PES1: variants seen among roughly 807,000 people sequenced by gnomAD.
PES1 encodes the protein pescadillo homolog.
In PES1, 31 loss-of-function variants were observed where a neutral mutation model predicts 77.1. That is an observed-to-expected ratio of 0.40 (90% CI 0.30 to 0.54). The LOEUF is 0.54. Among genes scored for constraint, PES1 ranks in the 20% least tolerant of loss-of-function variants. The pLI is 0.45. For missense variants in PES1, 658 were observed against 771.7 expected (o/e 0.85, Z 1.75); for synonymous variants, 282 against 303.0 (o/e 0.93, Z 0.72).
chr22:30,581,149 A>G, intron 8 of PES1, 48 bp from the exon 9 acceptor site: 1 of 1,510,776 alleles, frequency 6.6e-7, no homozygotes. Context: ...TCATGCGGGC[A>G]TGTGGCCAGG....
intron 3 of PES1, 107 bp from the exon 4 acceptor site, chr22:30,587,502 A>G: frequency 1.2e-6 from 1 of 805,502 alleles, no homozygotes; most frequent in Admixed American, 2.3e-5. Context: ...TGCCTCCTGA[A>G]GCTGGCCACG....
intron 2 of PES1, among the ~76,000 whole-genome samples, chr22:30,596,980 C>T (rs1477420860): frequency 1.3e-5 from 2 of 152,218 alleles, no homozygotes; most frequent in Non-Finnish European, 2.9e-5. Flanking sequence ...CCCCGCTGGC[C>T]ACGGGCAGTG....
At chr22:30,591,488 A>T (rs904248038) in intron 1 of PES1, among the ~76,000 whole-genome samples, 2 of 152,142 alleles carry the variant, frequency 1.3e-5, no homozygotes, top group Admixed American at 6.5e-5. Flanking sequence ...AGTAACGGTG[A>T]GCTCTACGTA....
chr22:30,577,097 G>T lies in PES1; in HGVS notation c.1716C>A (p.His572Gln). The T allele has an allele frequency of 6.2e-7, 1 of 1,614,158 alleles. No homozygotes were observed. The highest frequency in any genetic ancestry group is 8.5e-7 in the Non-Finnish European group (1 of 1,180,018). Residue 572 changes from histidine (H) to glutamine (Q), a missense_variant, in exon 15 of 15, where the codon CAC becomes CAA. By Grantham distance (24) the His-to-Gln change is conservative. Transcript: ENST00000354694. ...TCTTCTCAGACCTCACCGCCTCATC[G>T]TGGGCTTTCCGCTTCTCCGCCAGCT... ...ANKLAEKRKA[H>Q]DEAVRSEKKA...
intron 2 of PES1, among the ~76,000 whole-genome samples, chr22:30,600,338 G>T (rs192250392): frequency 6.6e-6 from 1 of 152,100 alleles, no homozygotes; most frequent in East Asian, 1.9e-4. Context: ...GACTTCAGGG[G>T]GTAGGTTTGC....
chr22:30,584,831 G>A (rs1372748283), intron 4 of PES1, 114 bp from the exon 5 acceptor site: 2 of 1,047,316 alleles, frequency 1.9e-6, no homozygotes, highest in Non-Finnish European at 2.8e-6. Flanking sequence ...CCTCACCACT[G>A]CCACCTCCTG....
chr22:30,577,096 C>T lies in PES1; in HGVS notation c.1717G>A (p.Asp573Asn), dbSNP rs750124332. ...NKLAEKRKAH[D>N]EAVRSEKKAK... ...TTCTTCTCAGACCTCACCGCCTCAT[C>T]GTGGGCTTTCCGCTTCTCCGCCAGC... is the stretch of plus-strand genomic sequence containing the variant. Residue 573 changes from aspartate to asparagine, a missense_variant, in exon 15 of 15, where the codon GAT (aspartate) becomes AAT (asparagine). By Grantham distance (23) the Asp-to-Asn change is conservative (BLOSUM62 1). Coordinates refer to ENST00000354694, the MANE Select transcript of PES1 (RefSeq NM_014303.4). 75 of 1,613,996 alleles carry T rather than the reference C, an allele frequency of 4.6e-5. No individual in the cohort carries two copies. Among genetic ancestry groups the T allele is most frequent in the Non-Finnish European group, 5.8e-5 (69 of 1,180,032 alleles).
chr22:30,581,694 A>G lies in PES1; in HGVS notation c.631-50T>C, dbSNP rs367909200. On this transcript the variant is annotated intron_variant, in intron 6 of 14. Transcript: ENST00000354694. ...GCAGTGTGGGTGCAGGGATGGGGGC[A>G]AAGGAGGGACAGACAACCCACAGAG... The G allele has an allele frequency of 2.7e-4, 345 of 1,291,340 alleles. 1 individual carries two copies. The African/African-American group carries it at 4.5e-3, about 17-fold the overall frequency. 80.0% of individuals were successfully genotyped at this position (1,291,340 alleles called of 1,614,324 possible).
chr22:30,597,944 C>T lies in PES1; in HGVS notation c.-660-5546G>A, dbSNP rs990158206. On this transcript the variant is annotated intron_variant, in intron 2 of 16. Transcript: ENST00000402281. ...TGTCGCCCAGGCTGGAGTGCAGTGG[C>T]GGCATCTCGGCTCACTGCAAGCTCC... 5.4e-5 allele frequency among the ~76,000 whole-genome samples: 7 copies of T among 130,032 alleles called. 1 individual carries two copies. Among genetic ancestry groups the T allele is most frequent in the South Asian group, 5.0e-4 (2 of 3,968 alleles). 85.3% of individuals were successfully genotyped at this position (130,032 alleles called of 152,430 possible). A position where few individuals can be genotyped will look rare whatever the true frequency, so the allele number is the denominator to read the frequency against.
chr22:30,600,610 A>G (rs1264833735), intron 2 of PES1, among the ~76,000 whole-genome samples: 4 of 152,032 alleles, frequency 2.6e-5, no homozygotes, highest in African/African-American at 9.7e-5. Flanking sequence ...AGGTCAGGAG[A>G]TGGAGACCAT....
chr22:30,593,690 C>T (rs2087216900), upstream of PES1, among the ~76,000 whole-genome samples: 1 of 152,104 alleles, frequency 6.6e-6, no homozygotes, highest in African/African-American at 2.4e-5. Context: ...TTGTTTTGCT[C>T]ACATTAATGT....
Position 30,577,540 on chromosome 22 carries a change from G to C in PES1, c.1684-411C>G, listed in dbSNP as rs1415343001. Among the ~76,000 whole-genome samples, 3 of 152,142 alleles carry C rather than the reference G, an allele frequency of 2.0e-5. No individual in the cohort carries two copies. In the East Asian group the frequency reaches 5.8e-4, roughly 29 times the overall value. ...TAAAGGGACAGGGTCTTTCTCTGTT[G>C]CTCAGCCTGGAGCACAGTGGCACAA... On this transcript the variant is annotated intron_variant, in intron 14 of 14. Coordinates refer to ENST00000354694, the MANE Select transcript of PES1 (RefSeq NM_014303.4).
intron 1 of PES1, among the ~76,000 whole-genome samples, chr22:30,606,289 G>C (rs962205539): frequency 1.3e-5 from 2 of 152,092 alleles, no homozygotes; most frequent in Admixed American, 6.5e-5. Context: ...GGAGTGCAGT[G>C]GTGTAATCTT....
intron 2 of PES1, among the ~76,000 whole-genome samples, chr22:30,597,931 T>C (rs2146491519): frequency 7.2e-6 from 1 of 138,076 alleles, no homozygotes; most frequent in East Asian, 2.0e-4. Flanking sequence ...TCGCCCAGGC[T>C]GGAGTGCAGT....
At chr22:30,606,800 G>A (rs371365260) in intron 1 of PES1, 4 of 986,530 alleles carry the variant, frequency 4.1e-6, no homozygotes, top group Non-Finnish European at 2.4e-6. Flanking sequence ...CTCCAGCAAT[G>A]CTGCTCACGT....
At chr22:30,584,824 C>T in intron 4 of PES1, 107 bp from the exon 5 acceptor site, 3 of 1,086,836 alleles carry the variant, frequency 2.8e-6, no homozygotes, top group Non-Finnish European at 4.0e-6. Flanking sequence ...AGCCAGGCCT[C>T]ACCACTGCCA....
rs775236739 is a variant in PES1 at position 30,579,869 on chromosome 22, C to T, written c.1236G>A (p.Glu412=). 2 of 1,614,148 alleles carry T rather than the reference C, an allele frequency of 1.2e-6. No individual in the cohort carries two copies. Among genetic ancestry groups the T allele is most frequent in the South Asian group, 2.2e-5 (2 of 91,086 alleles). The change falls in exon 12 of 15, where the codon GAG becomes GAA. Residue 412 remains glutamate, a synonymous_variant. Transcript: ENST00000354694. The part of the protein sequence containing the change: ...VNARLLLPVA[E]YFSGVQLPPH... The stretch of plus-strand genomic sequence containing the variant: ...GGGGCAGCTGCACCCCAGAGAAGTA[C>T]TCTGCCACGGGGAGAAGGAGCCTGG...
intron 4 of PES1, among the ~76,000 whole-genome samples, chr22:30,585,832 C>G (rs1028448504): frequency 6.6e-6 from 1 of 152,126 alleles, no homozygotes; most frequent in African/African-American, 2.4e-5. Context: ...TAGCATCACT[C>G]ACTGCTGCGA....
chr22:30,599,771 A>G (rs2087325409), intron 2 of PES1, among the ~76,000 whole-genome samples: 1 of 152,130 alleles, frequency 6.6e-6, no homozygotes, highest in African/African-American at 2.4e-5. Context: ...ATGGTGGTAC[A>G]TGCCTGTAAT....
Sources: allele counts gnomAD v4.1 joint callset (sites outside exome capture counted in the v4.1 genomes callset), GRCh38; gene constraint gnomAD v4.1.1; transcripts MANE v1.5; gene names NCBI Gene and HGNC (gene_info 2026-07-23, HGNC 2026-07-21).